The following CNTNAP4 variants were observed in gnomAD, a reference collection of about 807,000 sequenced individuals.
CNTNAP4 encodes the protein contactin-associated protein-like 4.
A neutral mutation model predicts 148.4 loss-of-function variants in CNTNAP4; 98 were observed. The observed-to-expected ratio is 0.66, with a 90% CI of 0.56 to 0.78. The LOEUF (loss-of-function observed/expected upper bound fraction) is 0.78, where lower values mean the gene tolerates loss of function less well. Among genes scored for constraint, CNTNAP4 ranks in the 30% least tolerant of loss-of-function variants. The probability of loss-of-function intolerance (pLI) is 0.00; values close to 1 mark genes in which losing one functional copy is unlikely to be tolerated. For missense variants in CNTNAP4, 1,935 were observed against 1,565.6 expected (o/e 1.24, Z -3.98); for synonymous variants, 730 against 565.1 (o/e 1.29, Z -4.14).
chr16:76,327,021 T>C (rs186360521), intron 2 of CNTNAP4, among the ~76,000 whole-genome samples: 2 of 152,228 alleles, frequency 1.3e-5, no homozygotes, highest in Admixed American at 6.5e-5. Context: ...ATGGTTAAAA[T>C]TAAGATGTGT....
chr16:76,304,937 A>C (rs1960331402), intron 1 of CNTNAP4, among the ~76,000 whole-genome samples: 1 of 152,198 alleles, frequency 6.6e-6, no homozygotes, highest in Non-Finnish European at 1.5e-5. Flanking sequence ...GTACATCAGT[A>C]GTCTGTTCAC....
At chr16:76,452,201 G>A (rs1383803852) in intron 7 of CNTNAP4, among the ~76,000 whole-genome samples, 1 of 152,036 alleles carries the variant, frequency 6.6e-6, no homozygotes, top group Non-Finnish European at 1.5e-5. Flanking sequence ...ACTTTTCACA[G>A]ATTCATAATA....
At chr16:76,422,133 T>A (rs768938057) in intron 3 of CNTNAP4, among the ~76,000 whole-genome samples, 1 of 152,182 alleles carries the variant, frequency 6.6e-6, no homozygotes, top group Non-Finnish European at 1.5e-5. Flanking sequence ...TTTTCTTGGT[T>A]AAAATACATT....
At position 76,457,777 on chromosome 16, in the gene CNTNAP4, T is replaced by G. The variant is rs2080790094; in HGVS notation, c.1334-4179T>G. Among the ~76,000 whole-genome samples the G allele has an allele frequency of 2.6e-5, 4 of 151,180 alleles. No homozygotes were observed. The South Asian group carries it at 8.5e-4, about 32-fold the overall frequency. Reference sequence around the variant, plus strand: ...GTTAGTGGGCTTGTATTTTATGTCTTATTTATTTGTTATTTTACTTTTTAT... The same window carrying G: ...GTTAGTGGGCTTGTATTTTATGTCTGATTTATTTGTTATTTTACTTTTTAT... On this transcript the variant is annotated intron_variant, in intron 8 of 23. Transcript: ENST00000611870.
At chr16:76,407,904 G>A (rs62051214) in intron 3 of CNTNAP4, among the ~76,000 whole-genome samples, 52,510 of 151,786 alleles carry the variant, frequency 0.35, 10,822 homozygotes, top group Non-Finnish European at 0.44. Flanking sequence ...AAGAATTAAT[G>A]TGGCAAACTT....
At chr16:76,295,397 C>T (rs1379773793) in intron 1 of CNTNAP4, among the ~76,000 whole-genome samples, 1 of 152,110 alleles carries the variant, frequency 6.6e-6, no homozygotes, top group Non-Finnish European at 1.5e-5. Flanking sequence ...CATTTTATTA[C>T]TATAAGTGTT....
intron 4 of CNTNAP4, among the ~76,000 whole-genome samples, chr16:76,441,694 A>G (rs1194975843): frequency 6.6e-6 from 1 of 152,168 alleles, no homozygotes; most frequent in East Asian, 1.9e-4. Context: ...AGGGTTTCTT[A>G]TGTACTTCAG....
intron 1 of CNTNAP4, among the ~76,000 whole-genome samples, chr16:76,281,643 G>T (rs1958691884): frequency 6.6e-6 from 1 of 151,902 alleles, no homozygotes; most frequent in South Asian, 2.1e-4. Context: ...ATTGACTTTT[G>T]TTAAAGAAAA....
rs148867068 is a variant in CNTNAP4, at chr16:76,437,621, A to C, written c.538+10022A>C. On this transcript the variant is annotated intron_variant, in intron 4 of 23. Transcript: ENST00000611870. ...ATTGAAAAAGCCCCATTGATCACCT[A>C]TGAGAGACATAAAGACCCAACTCCT... is the stretch of plus-strand genomic sequence containing the variant. Among the ~76,000 whole-genome samples the C allele has an allele frequency of 5.1e-4, 78 of 152,276 alleles. 3 individuals are homozygous for C. The highest frequency in any genetic ancestry group is 4.4e-3 in the Admixed American group (67 of 15,284).
intron 2 of CNTNAP4, among the ~76,000 whole-genome samples, chr16:76,351,505 A>G (rs1369739696): frequency 6.6e-6 from 1 of 152,148 alleles, no homozygotes; most frequent in Non-Finnish European, 1.5e-5. Context: ...CGCTAATACC[A>G]TGTGCATCTG....
Position 76,443,959 on chromosome 16 carries a change from C to A in CNTNAP4, c.539-4053C>A, listed in dbSNP as rs1023026673. ...AATCCAAACGTATGTTTTCAGTTCG[C>A]AATGTTAAAGTAAATTTTCAAAACA... On this transcript the variant is annotated intron_variant, in intron 4 of 23. Transcript: ENST00000611870. Among the ~76,000 whole-genome samples the A allele has an allele frequency of 2.0e-5, 3 of 151,992 alleles. No homozygotes were observed. The East Asian group carries it at 5.8e-4, about 29-fold the overall frequency.
chr16:76,504,121 CA>C (rs2082752350), intron 15 of CNTNAP4, among the ~76,000 whole-genome samples: 1 of 151,604 alleles, frequency 6.6e-6, no homozygotes, highest in African/African-American at 2.4e-5. Flanking sequence ...TATTGAAATG[CA>C]AAGAAAGTAG....
chr16:76,302,509 A>G (rs1269250797), intron 1 of CNTNAP4, among the ~76,000 whole-genome samples: 1 of 152,050 alleles, frequency 6.6e-6, no homozygotes, highest in Admixed American at 6.6e-5. Flanking sequence ...CAGGCCTGTA[A>G]GATAAATTTC....
Position 76,535,694 on chromosome 16 carries a change from T to A in CNTNAP4, c.2905T>A (p.Cys969Ser), listed in dbSNP as rs1425873220. 6.2e-7 allele frequency: 1 copy of A among 1,614,016 alleles called. No homozygotes were observed. Among genetic ancestry groups the A allele is most frequent in the Admixed American group, 1.7e-5 (1 of 60,026 alleles). ...ACATTGCAGCAGCTATGGGAAGTTATGCCGCAATGGAGGGAAATGCAGAGA... is the reference window on the plus strand; with the variant it reads ...ACATTGCAGCAGCTATGGGAAGTTAAGCCGCAATGGAGGGAAATGCAGAGA... ...RGHCSSYGKL[C>S]RNGGKCRERP... Residue 969 changes from cysteine to serine, a missense_variant, in exon 18 of 24, where the codon TGC (cysteine) becomes AGC (serine). By Grantham distance (112) the Cys-to-Ser change is moderately radical. Coordinates refer to ENST00000611870, the MANE Select transcript of CNTNAP4 (RefSeq NM_033401.5).
chr16:76,553,377 G>A lies in CNTNAP4; in HGVS notation c.3537G>A (p.Leu1179=). 1 of 1,612,804 alleles carries A rather than the reference G, an allele frequency of 6.2e-7. No homozygotes were observed. Among genetic ancestry groups the A allele is most frequent in the Non-Finnish European group, 8.5e-7 (1 of 1,179,292 alleles). ...SAVQLSHVAP[L]KAALHPSHPD... is the part of the protein sequence containing the mutation. ...TGCAGCTCAGCCACGTGGCCCCTCT[G>A]AAGGCAGCTCTGCACCCCAGCCACC... is the stretch of plus-strand genomic sequence containing the variant. The change falls in exon 22 of 24, where the codon CTG becomes CTA. Residue 1179 remains leucine (L), a synonymous_variant. Transcript: ENST00000611870.
chr16:76,405,073 T>G (rs2078555389), intron 3 of CNTNAP4, among the ~76,000 whole-genome samples: 1 of 152,130 alleles, frequency 6.6e-6, no homozygotes, highest in Non-Finnish European at 1.5e-5. Flanking sequence ...GTATTTCAAA[T>G]GAGGAAAATC....
At position 76,521,888 on chromosome 16, in the gene CNTNAP4, A is replaced by G; in HGVS notation, c.2537-151A>G. 8 of 713,046 alleles carry G rather than the reference A, an allele frequency of 1.1e-5. No homozygotes were observed. The South Asian group carries it at 1.4e-4, about 12-fold the overall frequency. 44.2% of individuals were successfully genotyped at this position (713,046 alleles called of 1,614,324 possible). On this transcript the variant is annotated intron_variant, in intron 16 of 23. Transcript: ENST00000611870. Reference sequence around the variant, plus strand: ...GAAGACCTAGCTCTGTGTCAGTGTCATGAGTTTCAAACAATAGCATTGAAA... The same window carrying G: ...GAAGACCTAGCTCTGTGTCAGTGTCGTGAGTTTCAAACAATAGCATTGAAA...
intron 3 of CNTNAP4, among the ~76,000 whole-genome samples, chr16:76,420,607 C>A (rs1041786849): frequency 1.3e-5 from 2 of 151,874 alleles, no homozygotes; most frequent in African/African-American, 2.4e-5. Context: ...AAAATATTCT[C>A]TTCTTTGAGG....
chr16:76,531,688 G>A (rs951548517), intron 17 of CNTNAP4, among the ~76,000 whole-genome samples: 1 of 152,088 alleles, frequency 6.6e-6, no homozygotes, highest in Non-Finnish European at 1.5e-5. Flanking sequence ...CTTTAATTAA[G>A]CTTTCAAGCC....
Sources: gnomAD v4.1 joint callset for allele counts (sites outside exome capture counted in the v4.1 genomes callset) on GRCh38, gnomAD v4.1.1 for gene constraint, MANE v1.5 for transcripts, NCBI Gene and HGNC (gene_info 2026-07-23, HGNC 2026-07-21) for gene names.